OR56A3: variants seen among roughly 807,000 people sequenced by gnomAD.
The protein encoded by OR56A3 is olfactory receptor 56A3.
A neutral mutation model predicts 17.5 loss-of-function variants in OR56A3; 23 were observed. The observed-to-expected ratio is 1.32, with a 90% CI of 0.95 to 1.87. OR56A3 has a LOEUF of 1.87. Among genes scored for constraint, OR56A3 ranks in the 40% most tolerant of loss-of-function variants. OR56A3 has a pLI of 0.00. For synonymous variants in OR56A3, 175 were observed against 150.6 expected, an observed-to-expected ratio of 1.16 and a Z score of -1.19; for missense variants, 366 against 380.1, an observed-to-expected ratio of 0.96 and a Z score of 0.31.
chr11:5,974,934 A>G, the OR56A3 span, among the ~76,000 whole-genome samples: 386 of 152,354 alleles, frequency 2.5e-3, 3 homozygotes, highest in African/African-American at 8.8e-3. Flanking sequence ...ATTTTATATG[A>G]AACTGATTGA....
the OR56A3 span, among the ~76,000 whole-genome samples, chr11:5,959,101 A>G: frequency 6.6e-6 from 1 of 152,210 alleles, no homozygotes; most frequent in South Asian, 2.1e-4. Flanking sequence ...GACAGCAGCT[A>G]TCTCTTCAAC....
At chr11:5,968,256 A>G in the OR56A3 span, 1 of 1,613,732 alleles carries the variant, frequency 6.2e-7, no homozygotes, top group Non-Finnish European at 8.5e-7. Context: ...CTTGGGGATG[A>G]CGGTGAGGCA....
At chr11:6,011,479 CTG>C in the OR56A3 span, among the ~76,000 whole-genome samples, 2 of 145,394 alleles carry the variant, frequency 1.4e-5, no homozygotes, top group African/African-American at 5.2e-5. Flanking sequence ...ATCTAGATAC[CTG>C]TATTTTATCT....
chr11:5,963,937 A>G, the OR56A3 span, among the ~76,000 whole-genome samples: 141 of 152,100 alleles, frequency 9.3e-4, 4 homozygotes, highest in South Asian at 0.029. Context: ...TCAATAACCT[A>G]CTTTTCAATA....
chr11:5,986,802 G>C, the OR56A3 span: 1 of 1,614,038 alleles, frequency 6.2e-7, no homozygotes, highest in African/African-American at 1.3e-5. Flanking sequence ...GTGCAATCCA[G>C]TGCTGGCTTT....
the OR56A3 span, among the ~76,000 whole-genome samples, chr11:6,010,817 ATGTGTGTGTGTG>A: frequency 0.41 from 60,902 of 149,712 alleles, 14,041 homozygotes; most frequent in East Asian, 0.92. Context: ...CAAGACAGAA[ATGTGTGTGTGTG>A]TGTGTGTGTG....
At chr11:5,963,575 G>T in the OR56A3 span, among the ~76,000 whole-genome samples, 1 of 152,002 alleles carries the variant, frequency 6.6e-6, no homozygotes, top group African/African-American at 2.4e-5. Flanking sequence ...AGACATATTG[G>T]AGCTTCTTTA....
At position 5,947,682 on chromosome 11, in the gene OR56A3, A is replaced by G. The variant is rs777712282; in HGVS notation, c.336A>G (p.Leu112=). 1 of 1,614,160 alleles carries G rather than the reference A, an allele frequency of 6.2e-7. No individual in the cohort carries two copies. The highest frequency in any genetic ancestry group is 1.1e-5 in the South Asian group (1 of 91,078). ...AGATGTACATCATGAATTGTTTCCT[A>G]GCCATGGAGTCTTGCACATTCATGG... The part of the protein sequence containing the change: ...FLQMYIMNCF[L]AMESCTFMVM... Residue 112 remains leucine, a synonymous_variant, in exon 3 of 3, where the codon CTA becomes CTG. Transcript: ENST00000641160.
the OR56A3 span, among the ~76,000 whole-genome samples, chr11:6,014,519 G>T: frequency 1.3e-5 from 2 of 152,152 alleles, no homozygotes; most frequent in African/African-American, 2.4e-5. Context: ...AGCTCCCTGA[G>T]TCCTCACCAG....
At chr11:5,980,297 C>A in the OR56A3 span, among the ~76,000 whole-genome samples, 7 of 151,982 alleles carry the variant, frequency 4.6e-5, no homozygotes, top group African/African-American at 1.7e-4. Context: ...TTGAAATCTC[C>A]CATTATTATT....
chr11:6,009,272 T>C, the OR56A3 span, among the ~76,000 whole-genome samples: 1 of 152,184 alleles, frequency 6.6e-6, no homozygotes, highest in African/African-American at 2.4e-5. Context: ...TTCATACTGG[T>C]TTCTTCTAGA....
the OR56A3 span, chr11:5,968,175 A>T: frequency 1.2e-6 from 2 of 1,614,122 alleles, no homozygotes; most frequent in Non-Finnish European, 1.7e-6. Context: ...AAAACTGTTC[A>T]TGATGAACAC....
rs1490337472 is a variant in OR56A3 at position 5,947,429 on chromosome 11, A to C, written c.83A>C (p.Gln28Pro). 1 of 1,614,236 alleles carries C rather than the reference A, an allele frequency of 6.2e-7. No individual in the cohort carries two copies. The highest frequency in any genetic ancestry group is 8.5e-7 in the Non-Finnish European group (1 of 1,180,038). The stretch of plus-strand genomic sequence containing the variant: ...TGTTTTGTCAGATCCCCCAGCTGGC[A>C]GCACTGGCTGTCCCTGCCCCTCAGC... ...LNCFVRSPSW[Q>P]HWLSLPLSLL... is the part of the protein sequence containing the mutation. Residue 28 changes from glutamine (Q) to proline (P), a missense_variant, in exon 3 of 3, where the codon CAG becomes CCG. Transcript: ENST00000641160.
the OR56A3 span, among the ~76,000 whole-genome samples, chr11:5,993,551 T>A: frequency 6.6e-6 from 1 of 152,302 alleles, no homozygotes; most frequent in East Asian, 1.9e-4. Flanking sequence ...AAGGTGAGAA[T>A]TAAATGTAAA....
At chr11:6,016,184 ACT>A in the OR56A3 span, among the ~76,000 whole-genome samples, 1 of 151,260 alleles carries the variant, frequency 6.6e-6, no homozygotes, top group Non-Finnish European at 1.5e-5. Flanking sequence ...GCAACTCCCC[ACT>A]CTCTCTCGGT....
the OR56A3 span, chr11:5,968,052 G>A: frequency 0.026 from 41,226 of 1,607,208 alleles, 621 homozygotes; most frequent in Middle Eastern, 0.064. Flanking sequence ...AACAAAGATG[G>A]CAGCCCTAGC....
At chr11:6,013,090 G>C in the OR56A3 span, among the ~76,000 whole-genome samples, 2 of 152,220 alleles carry the variant, frequency 1.3e-5, no homozygotes, top group Non-Finnish European at 2.9e-5. Flanking sequence ...CAGGGGTGTG[G>C]GACTCCTGCC....
the OR56A3 span, among the ~76,000 whole-genome samples, chr11:6,019,046 A>C: frequency 6.6e-6 from 1 of 151,886 alleles, no homozygotes; most frequent in African/African-American, 2.4e-5. Context: ...CCTGCCAACA[A>C]AAAAAAGCAC....
downstream of OR56A3, among the ~76,000 whole-genome samples, chr11:5,954,194 T>C (rs566241820): frequency 1.8e-4 from 27 of 152,282 alleles, no homozygotes; most frequent in South Asian, 4.1e-4. Flanking sequence ...CCAGCACAAC[T>C]AAAAGACTTG....
Sources: gnomAD v4.1 joint callset for allele counts (sites outside exome capture counted in the v4.1 genomes callset) on GRCh38, gnomAD v4.1.1 for gene constraint, MANE v1.5 for transcripts, NCBI Gene and HGNC (gene_info 2026-07-23, HGNC 2026-07-21) for gene names.